The following ASTN2 variants were observed in gnomAD, a reference collection of about 807,000 sequenced individuals.
ASTN2 encodes astrotactin-2.
ASTN2 carries 54 observed loss-of-function variants against 139.8 expected under a neutral mutation model. The observed-to-expected ratio is 0.39, with a 90% CI of 0.31 to 0.48. The LOEUF (loss-of-function observed/expected upper bound fraction) is 0.48. Among genes scored for constraint, ASTN2 ranks in the 20% least tolerant of loss-of-function variants. ASTN2 has a pLI of 0.95. For missense variants in ASTN2, 1,565 were observed against 1,725.1 expected (o/e 0.91, Z 1.64); for synonymous variants, 756 against 719.5 (o/e 1.05, Z -0.81).
intron 4 of ASTN2, among the ~76,000 whole-genome samples, chr9:117,139,398 C>T (rs1830022449): frequency 6.6e-6 from 1 of 152,200 alleles, no homozygotes; most frequent in South Asian, 2.1e-4. Context: ...CAAGTTAAAA[C>T]TGACTTGGGC....
chr9:116,435,767 A>T (rs898707885), intron 22 of ASTN2, among the ~76,000 whole-genome samples: 3 of 152,206 alleles, frequency 2.0e-5, no homozygotes, highest in African/African-American at 7.2e-5. Context: ...CTGCATCTGG[A>T]ACCTTGTCAC....
At chr9:117,076,459 C>A (rs1482151287) in intron 5 of ASTN2, among the ~76,000 whole-genome samples, 2 of 152,062 alleles carry the variant, frequency 1.3e-5, no homozygotes, top group East Asian at 3.9e-4. Flanking sequence ...GTTTGAGGGG[C>A]AGAGAGTTGA....
intron 1 of ASTN2, among the ~76,000 whole-genome samples, chr9:117,301,123 T>C (rs1834865630): frequency 6.6e-6 from 1 of 152,202 alleles, no homozygotes; most frequent in Non-Finnish European, 1.5e-5. Flanking sequence ...GTTGCTGGAA[T>C]TGATTCTCAT....
At chr9:116,729,758 A>C (rs1828729215) in intron 14 of ASTN2, among the ~76,000 whole-genome samples, 1 of 152,158 alleles carries the variant, frequency 6.6e-6, no homozygotes. Flanking sequence ...ACAGAAATAA[A>C]CTCTTTCTAT....
At chr9:116,866,937 G>A (rs1478838984) in intron 10 of ASTN2, among the ~76,000 whole-genome samples, 2 of 148,980 alleles carry the variant, frequency 1.3e-5, no homozygotes. Flanking sequence ...GAGAAAGTGA[G>A]AGAACAAGAG....
chr9:117,085,960 C>A (rs928434791), intron 5 of ASTN2, among the ~76,000 whole-genome samples: 1 of 152,164 alleles, frequency 6.6e-6, no homozygotes, highest in Non-Finnish European at 1.5e-5. Context: ...GGAAAGTGAA[C>A]CCTCTCAATT....
chr9:116,826,203 A>G (rs1233754461), intron 11 of ASTN2, among the ~76,000 whole-genome samples: 1 of 152,178 alleles, frequency 6.6e-6, no homozygotes, highest in East Asian at 1.9e-4. Context: ...CAGGGAGACC[A>G]GGCTATCCTA....
chr9:116,975,364 C>A lies in ASTN2; in HGVS notation c.1752-19G>T. On this transcript the variant is annotated intron_variant, in intron 9 of 22. Coordinates refer to ENST00000313400, the MANE Select transcript of ASTN2 (RefSeq NM_001365068.1). ...AGTAGACCTGCAATGTAAGAGTTTC[C>A]ATTGGGGAACTCCCTGGGAAGCAGA... is the stretch of plus-strand genomic sequence containing the variant. 6.3e-7 allele frequency: 1 copy of A among 1,583,158 alleles called. No individual in the cohort carries two copies.
intron 19 of ASTN2, among the ~76,000 whole-genome samples, chr9:116,570,916 G>T (rs1322352212): frequency 6.6e-6 from 1 of 152,156 alleles, no homozygotes; most frequent in East Asian, 1.9e-4. Context: ...TCACTCACAT[G>T]TTCTCCTTTT....
In ASTN2 at chr9:116,993,940, G is replaced by A. The variant is rs1309917128; in HGVS notation, c.1591+14152C>T. 2.0e-5 allele frequency among the ~76,000 whole-genome samples: 3 copies of A among 149,820 alleles called. No individual in the cohort carries two copies. In the East Asian group the frequency reaches 5.9e-4, roughly 29 times the overall value. The stretch of plus-strand genomic sequence containing the variant: ...TGTCCCCTGCCCCGCAAGAATGTAA[G>A]TTACATGGTGGCAGGGATTTTTTTG... On this transcript the variant is annotated intron_variant, in intron 7 of 22. Coordinates refer to ENST00000313400, the MANE Select transcript of ASTN2 (RefSeq NM_001365068.1).
intron 1 of ASTN2, among the ~76,000 whole-genome samples, chr9:117,356,801 C>A (rs7870073): frequency 0.011 from 1,721 of 152,256 alleles, 32 homozygotes; most frequent in African/African-American, 0.039. Context: ...CAGTGGCTCA[C>A]GCCTGTAATC....
chr9:117,007,381 G>A (rs1365096081), intron 7 of ASTN2, among the ~76,000 whole-genome samples: 1 of 152,194 alleles, frequency 6.6e-6, no homozygotes, highest in African/African-American at 2.4e-5. Flanking sequence ...CTATATCTAT[G>A]TTGTGCAACA....
chr9:116,768,000 T>C (rs1829854155), intron 13 of ASTN2, among the ~76,000 whole-genome samples: 2 of 152,152 alleles, frequency 1.3e-5, no homozygotes, highest in Admixed American at 1.3e-4. Context: ...CCAAACTCTA[T>C]GCATTGAAGA....
chr9:116,527,214 A>C (rs1851133877), intron 19 of ASTN2, among the ~76,000 whole-genome samples: 1 of 152,212 alleles, frequency 6.6e-6, no homozygotes, highest in Non-Finnish European at 1.5e-5. Context: ...TAAAATACAA[A>C]GGAAACAATC....
intron 19 of ASTN2, among the ~76,000 whole-genome samples, chr9:116,579,842 T>G (rs1853876962): frequency 6.6e-6 from 1 of 152,218 alleles, no homozygotes; most frequent in Admixed American, 6.5e-5. Context: ...TCTTTTTTTT[T>G]GAAGAGTCTT....
chr9:116,537,432 A>G (rs1787466921), intron 19 of ASTN2, among the ~76,000 whole-genome samples: 2 of 152,334 alleles, frequency 1.3e-5, no homozygotes, highest in South Asian at 2.1e-4. Context: ...ATTTCTGACA[A>G]TTACAGATTT....
chr9:116,993,001 A>G (rs1241473882), intron 7 of ASTN2, among the ~76,000 whole-genome samples: 11 of 152,058 alleles, frequency 7.2e-5, no homozygotes. Flanking sequence ...CCCTTCCAAC[A>G]TGTTTACCTC....
intron 20 of ASTN2, among the ~76,000 whole-genome samples, chr9:116,483,834 C>G (rs958698894): frequency 2.0e-5 from 3 of 152,140 alleles, no homozygotes; most frequent in African/African-American, 7.2e-5. Context: ...CACTGCAGAA[C>G]AGGGAAGGAA....
rs1421499524 is a variant in ASTN2, at chr9:116,425,568, A to C, written c.*283T>G. On this transcript the variant is annotated 3_prime_UTR_variant, in exon 23 of 23. Coordinates refer to ENST00000313400, the MANE Select transcript of ASTN2 (RefSeq NM_001365068.1). ...CCTGAAAACTTCTGCCTCGGGATTGACAGCCATCCATAAGAAAAGGTTTAA... is the reference window on the plus strand; with the variant it reads ...CCTGAAAACTTCTGCCTCGGGATTGCCAGCCATCCATAAGAAAAGGTTTAA... The C allele has an allele frequency of 6.2e-7, 1 of 1,613,122 alleles. No individual in the cohort carries two copies. The highest frequency in any genetic ancestry group is 1.1e-5 in the South Asian group (1 of 90,804).
Sources: allele counts gnomAD v4.1 joint callset (sites outside exome capture counted in the v4.1 genomes callset), GRCh38; gene constraint gnomAD v4.1.1; transcripts MANE v1.5; gene names NCBI Gene and HGNC (gene_info 2026-07-23, HGNC 2026-07-21).